Variants in MAST1 observed in about 807,000 individuals in gnomAD.
The protein encoded by MAST1 is microtubule associated serine/threonine kinase 1.
MAST1 carries 40 observed loss-of-function variants against 124.6 expected under a neutral mutation model. That is an observed-to-expected ratio of 0.32 (90% confidence interval 0.25 to 0.42). The LOEUF (loss-of-function observed/expected upper bound fraction) is 0.42. MAST1 is among the 10% of genes least tolerant of loss of function. The pLI is 1.00. For missense variants in MAST1, 1,558 were observed against 2,181.9 expected, an observed-to-expected ratio of 0.71 and a Z score of 5.70; for synonymous variants, 938 against 939.4, an observed-to-expected ratio of 1.00 and a Z score of 0.03.
At chr19:12,870,677 AAAT>A in intron 22 of MAST1, 144 bp from the exon 23 acceptor site, 1 of 941,680 alleles carries the variant, frequency 1.1e-6, no homozygotes, top group African/African-American at 1.6e-5. Flanking sequence ...AAAAAAAAAA[AAAT>A]GTGGGGGGAG....
chr19:12,846,440 G>A (rs1969894987), intron 4 of MAST1, among the ~76,000 whole-genome samples: 1 of 151,978 alleles, frequency 6.6e-6, no homozygotes, highest in African/African-American at 2.4e-5. Context: ...GTATTCAGAG[G>A]AGGTCTTCCC....
rs1415895142 is a variant in MAST1, at chr19:12,847,793, T to C, written c.565-55T>C. 2 of 1,581,560 alleles carry C rather than the reference T, an allele frequency of 1.3e-6. No homozygotes were observed. Among genetic ancestry groups the C allele is most frequent in the East Asian group, 2.3e-5 (1 of 44,052 alleles). On this transcript the variant is annotated intron_variant, in intron 6 of 25. Coordinates refer to ENST00000251472, the MANE Select transcript of MAST1 (RefSeq NM_014975.3). The surrounding 1 kb of genome is among the most constrained non-coding windows in gnomAD (Gnocchi z 5.5). ...GGCCTCGGTGCGCAGCGCAGGCTCC[T>C]GGCGGCCGCAGCCTTCGGGCACAGC...
chr19:12,866,076 C>T lies in MAST1; in HGVS notation c.2003C>T (p.Ser668Leu), dbSNP rs2145907922. 6.2e-7 allele frequency: 1 copy of T among 1,614,068 alleles called. No homozygotes were observed. Among genetic ancestry groups the T allele is most frequent in the Non-Finnish European group, 8.5e-7 (1 of 1,180,022 alleles). The change falls in exon 17 of 26, where the codon TCG becomes TTG. Residue 668 changes from serine to leucine, a missense_variant. This residue lies in a region of MAST1 where 145 missense variants were observed against 350.0 expected (regional missense o/e 0.41). Transcript: ENST00000251472. This position sits in a 1 kb window ranked among gnomAD's most constrained non-coding sequence, Gnocchi z 5.2. The stretch of plus-strand genomic sequence containing the variant: ...GCCGAGTTCATCCCCCACCTAGAGT[C>T]GGAAGATGACACTAGCTACTTTGAC... Reference protein sequence around the residue: ...QKAEFIPHLESEDDTSYFDTR... With the variant: ...QKAEFIPHLELEDDTSYFDTR...
At position 12,841,076 on chromosome 19, in the gene MAST1, T is replaced by A; in HGVS notation, c.248+10T>A. On this transcript the variant is annotated intron_variant, in intron 3 of 25. Coordinates refer to ENST00000251472, the MANE Select transcript of MAST1 (RefSeq NM_014975.3). This position sits in a 1 kb window ranked among gnomAD's most constrained non-coding sequence, Gnocchi z 4.3. ...TTGCCTCCTCCCGAAGGTGAGTCCC[T>A]CCCCTCCAGGGCCCCAGAACCCTGG... 6.9e-7 allele frequency: 1 copy of A among 1,456,056 alleles called. No homozygotes were observed. The highest frequency in any genetic ancestry group is 9.6e-7 in the Non-Finnish European group (1 of 1,036,396). The allele number at this position is 1,456,056 out of a possible 1,614,324, so 90.2% of individuals were successfully genotyped here.
intron 10 of MAST1, among the ~76,000 whole-genome samples, chr19:12,857,054 A>G (rs770287366): frequency 2.0e-5 from 3 of 151,910 alleles, no homozygotes; most frequent in Non-Finnish European, 2.9e-5. Flanking sequence ...GGTAGTTATA[A>G]TTTGCCTTTC....
intron 3 of MAST1, among the ~76,000 whole-genome samples, chr19:12,842,513 G>A (rs1252982597): frequency 6.6e-6 from 1 of 151,950 alleles, no homozygotes; most frequent in African/African-American, 2.4e-5. Context: ...TGCTGGTCTC[G>A]AACTTCTGAC....
chr19:12,858,433 T>C lies in MAST1; in HGVS notation c.1149T>C (p.Gly383=). The change falls in exon 11 of 26, where the codon GGT becomes GGC. Residue 383 remains glycine (G), a synonymous_variant. Coordinates refer to ENST00000251472, the MANE Select transcript of MAST1 (RefSeq NM_014975.3). The part of the protein sequence containing the change: ...DFDTIKLISN[G]AYGAVYLVRH... Reference sequence around the variant, plus strand: ...ATACCATCAAGCTCATAAGCAACGGTGCCTACGGGTGAGCCACCCGGGGCT... The same window carrying C: ...ATACCATCAAGCTCATAAGCAACGGCGCCTACGGGTGAGCCACCCGGGGCT... The C allele has an allele frequency of 6.2e-7, 1 of 1,613,568 alleles. No homozygotes were observed. The highest frequency in any genetic ancestry group is 8.5e-7 in the Non-Finnish European group (1 of 1,179,766).
At chr19:12,872,556 G>C (rs1312533957) in intron 24 of MAST1, among the ~76,000 whole-genome samples, 1 of 152,042 alleles carries the variant, frequency 6.6e-6, no homozygotes, top group Non-Finnish European at 1.5e-5. Flanking sequence ...TAGGTGGGTT[G>C]TAGTGAAAGA....
intron 7 of MAST1, among the ~76,000 whole-genome samples, chr19:12,849,377 A>T (rs1969934003): frequency 6.6e-6 from 1 of 152,150 alleles, no homozygotes; most frequent in Non-Finnish European, 1.5e-5. Context: ...AATTTAAAAA[A>T]TTTAAGCCAG....
Position 12,874,603 on chromosome 19 carries a change from G to A in MAST1, c.4446G>A (p.Leu1482=). The A allele has an allele frequency of 2.0e-6, 3 of 1,511,498 alleles. No individual in the cohort carries two copies. The highest frequency in any genetic ancestry group is 2.7e-6 in the Non-Finnish European group (3 of 1,130,924). 93.6% of individuals were successfully genotyped at this position (1,511,498 alleles called of 1,614,324 possible). ...CCCGGGGCCGGGAGCGCTGGGTGTT[G>A]GAGGTGGTGGAGGAGCGCACCACGC... ...EAPRGRERWV[L]EVVEERTTLS... Residue 1482 remains leucine (L), a synonymous_variant, in exon 26 of 26, where the codon TTG becomes TTA. Coordinates refer to ENST00000251472, the MANE Select transcript of MAST1 (RefSeq NM_014975.3). The surrounding 1 kb of genome is among the most constrained non-coding windows in gnomAD (Gnocchi z 6.6).
At position 12,840,452 on chromosome 19, in the gene MAST1, C is replaced by T. The variant is rs1969811814; in HGVS notation, c.90C>T (p.Arg30=). 6.2e-7 allele frequency: 1 copy of T among 1,612,750 alleles called. No homozygotes were observed. The highest frequency in any genetic ancestry group is 2.2e-5 in the East Asian group (1 of 44,870). Residue 30 remains arginine (R), a synonymous_variant, in exon 2 of 26, where the codon CGC becomes CGT. Coordinates refer to ENST00000251472, the MANE Select transcript of MAST1 (RefSeq NM_014975.3). ...GSMFRRTKSC[R]TSNRKSLILT... is the part of the protein sequence containing the mutation. ...TGCCTTACCTTCCCCGCAGCTGCCG[C>T]ACCAGTAATCGGAAAAGCCTCATCC... is the stretch of plus-strand genomic sequence containing the variant.
chr19:12,871,263 G>A (rs909536349), intron 24 of MAST1, 91 bp downstream of exon 24: 13 of 1,549,986 alleles, frequency 8.4e-6, no homozygotes, highest in African/African-American at 8.2e-5. Flanking sequence ...GGAAGAGCAC[G>A]GGAAAGGTGG....
chr19:12,869,254 A>G lies in MAST1; in HGVS notation c.2962A>G (p.Met988Val). The G allele has an allele frequency of 5.0e-6, 8 of 1,614,050 alleles. No individual in the cohort carries two copies. Among genetic ancestry groups the G allele is most frequent in the Non-Finnish European group, 6.8e-6 (8 of 1,179,986 alleles). The change falls in exon 22 of 26, where the codon ATG becomes GTG. Residue 988 changes from methionine to valine, a missense_variant. Transcript: ENST00000251472. ...GFTLRAIRVY[M>V]GDTDVYSVHH... ...CACACTGCGTGCCATCCGTGTCTAC[A>G]TGGGTGACACGGATGTCTATAGTGT... is the stretch of plus-strand genomic sequence containing the variant.
chr19:12,861,999 CTTTTTTTTT>C (rs55931366), intron 12 of MAST1, among the ~76,000 whole-genome samples: 1 of 122,996 alleles, frequency 8.1e-6, no homozygotes, highest in Non-Finnish European at 1.7e-5. Context: ...CCGTGCCTGC[CTTTTTTTTT>C]TTTTTTTTTT....
At position 12,847,303 on chromosome 19, in the gene MAST1, C is replaced by G; in HGVS notation, c.341C>G (p.Ser114Cys). ...PSSTVSSSCS[S>C]QERLHQLPYQ... Reference sequence around the variant, plus strand: ...CCCTGTCCCCAGTCCTCCTGCTCCTCCCAGGAGCGCCTTCACCAGCTGCCC... The same window carrying G: ...CCCTGTCCCCAGTCCTCCTGCTCCTGCCAGGAGCGCCTTCACCAGCTGCCC... Residue 114 changes from serine (S) to cysteine (C), a missense_variant, in exon 5 of 26, where the codon TCC becomes TGC. Transcript: ENST00000251472. The surrounding 1 kb of genome is among the most constrained non-coding windows in gnomAD (Gnocchi z 5.5). The G allele has an allele frequency of 6.2e-7, 1 of 1,613,312 alleles. No individual in the cohort carries two copies. The highest frequency in any genetic ancestry group is 8.5e-7 in the Non-Finnish European group (1 of 1,179,648).
intron 22 of MAST1, among the ~76,000 whole-genome samples, chr19:12,870,201 A>G (rs1970213887): frequency 1.5e-5 from 2 of 137,018 alleles, no homozygotes; most frequent in African/African-American, 5.5e-5. Flanking sequence ...AAAAAAAAAA[A>G]AAAAATGGCC....
In MAST1 at chr19:12,869,149, C is replaced by T; in HGVS notation, c.2857C>T (p.Pro953Ser). Residue 953 changes from proline to serine, a missense_variant, in exon 22 of 26, where the codon CCC (proline) becomes TCC (serine). Around this residue, in one of 10 missense-constraint regions of MAST1, gnomAD observed 291 missense variants for 475.8 expected, o/e 0.61. Coordinates refer to ENST00000251472, the MANE Select transcript of MAST1 (RefSeq NM_014975.3). ...SSNPSSRDSS[P>S]SRDYSPAVSG... ...CAACCCATCCTCACGGGACTCCTCA[C>T]CCAGCCGGGACTACTCACCAGCTGT... 6.2e-7 allele frequency: 1 copy of T among 1,614,252 alleles called. No homozygotes were observed. The highest frequency in any genetic ancestry group is 8.5e-7 in the Non-Finnish European group (1 of 1,180,056).
At chr19:12,867,135 C>T (rs761155103) in intron 18 of MAST1, among the ~76,000 whole-genome samples, 7 of 152,096 alleles carry the variant, frequency 4.6e-5, no homozygotes, top group Non-Finnish European at 8.8e-5. Flanking sequence ...GGCAGAGAAG[C>T]CATAGGCCTT....
At chr19:12,845,635 A>G (rs942159901) in intron 4 of MAST1, among the ~76,000 whole-genome samples, 10 of 150,486 alleles carry the variant, frequency 6.6e-5, no homozygotes, top group Non-Finnish European at 1.5e-4. Flanking sequence ...ATAGTGGCTC[A>G]TGCCTGTGAC....
Sources: allele counts gnomAD v4.1 joint callset (sites outside exome capture counted in the v4.1 genomes callset), GRCh38; gene constraint gnomAD v4.1.1; regional missense constraint gnomAD v4.1.1; non-coding constraint Gnocchi (gnomAD v3.1); transcripts MANE v1.5; gene names NCBI Gene and HGNC (gene_info 2026-07-23, HGNC 2026-07-21).